The following NKD1 variants were observed in gnomAD, a reference collection of about 807,000 sequenced individuals.
The protein encoded by NKD1 is protein naked cuticle homolog 1.
A neutral mutation model predicts 56.0 loss-of-function variants in NKD1; 21 were observed. That is an observed-to-expected ratio of 0.38 (90% CI 0.27 to 0.54). The LOEUF is 0.54. Ranked by LOEUF, NKD1 falls within the 20% of genes least tolerant of loss-of-function variation. NKD1 has a pLI of 0.82. For missense variants in NKD1, 578 were observed against 642.7 expected, an observed-to-expected ratio of 0.90 and a Z score of 1.09; for synonymous variants, 263 against 265.7, an observed-to-expected ratio of 0.99 and a Z score of 0.10.
intron 3 of NKD1, chr16:50,571,555 C>G: frequency 6.1e-6 from 6 of 984,226 alleles, no homozygotes; most frequent in Non-Finnish European, 7.2e-6. Context: ...GTCCCAGTGA[C>G]GGGCTCTCCA....
chr16:50,629,184 A>G (rs1441081417), intron 6 of NKD1, among the ~76,000 whole-genome samples: 3 of 151,870 alleles, frequency 2.0e-5, no homozygotes, highest in Non-Finnish European at 4.4e-5. Flanking sequence ...GCTGGTCTTG[A>G]ACTTCTGGGC....
chr16:50,613,876 G>C (rs1381912073), intron 4 of NKD1, among the ~76,000 whole-genome samples: 1 of 152,138 alleles, frequency 6.6e-6, no homozygotes, highest in Non-Finnish European at 1.5e-5. Context: ...ATCCTGTTCA[G>C]ATGTCAAAGC....
chr16:50,560,623 A>C (rs935144314), intron 3 of NKD1, among the ~76,000 whole-genome samples: 2 of 150,198 alleles, frequency 1.3e-5, no homozygotes, highest in South Asian at 4.2e-4. Context: ...AAATCAGTTT[A>C]GGCGAGTTTT....
intron 3 of NKD1, among the ~76,000 whole-genome samples, chr16:50,563,554 G>A (rs1323053767): frequency 1.3e-5 from 2 of 151,550 alleles, no homozygotes; most frequent in Non-Finnish European, 2.9e-5. Flanking sequence ...TGGACCCATG[G>A]AGAAGACCCT....
intron 5 of NKD1, 114 bp downstream of exon 5, chr16:50,621,822 T>G: frequency 1.3e-6 from 1 of 740,956 alleles, no homozygotes; most frequent in Non-Finnish European, 2.3e-6. Flanking sequence ...CTCCCCTGCA[T>G]GAACAGCACC....
rs144230583 is a variant in NKD1 at position 50,613,085 on chromosome 16, TAG to T, written c.259+4727_259+4728del. ...AACGAGAGAGATCAGGGATGCATCTTAGACTTTTGGTTTCAGGAACTAAGGAT... is the reference window on the plus strand; with the variant it reads ...AACGAGAGAGATCAGGGATGCATCTTACTTTTGGTTTCAGGAACTAAGGAT... On this transcript the variant is annotated intron_variant, in intron 4 of 9. Coordinates refer to ENST00000268459, the MANE Select transcript of NKD1 (RefSeq NM_033119.5). Among the ~76,000 whole-genome samples, 964 of 152,126 alleles carry T rather than the reference TAG, an allele frequency of 6.3e-3. 9 individuals are homozygous for T. The highest frequency in any genetic ancestry group is 0.011 in the Non-Finnish European group (743 of 67,984).
At chr16:50,594,867 C>T (rs1343422590) in intron 3 of NKD1, among the ~76,000 whole-genome samples, 1 of 152,162 alleles carries the variant, frequency 6.6e-6, no homozygotes, top group African/African-American at 2.4e-5. Flanking sequence ...GGACTGCTAT[C>T]AAAGGGTCTA....
rs1596719715 is a variant in NKD1, at chr16:50,582,884, A to G, written c.193-25410A>G. Among the ~76,000 whole-genome samples, 7 of 152,270 alleles carry G rather than the reference A, an allele frequency of 4.6e-5. No homozygotes were observed. The South Asian group carries it at 1.5e-3, about 32-fold the overall frequency. ...TAGCCAGATGTGGTGGTGGGCACCT[A>G]TAATCCCAGCTACTTGGGAGGCTGA... On this transcript the variant is annotated intron_variant, in intron 3 of 9. Transcript: ENST00000268459.
chr16:50,625,402 C>A, intron 5 of NKD1, 83 bp from the exon 6 acceptor site: 1 of 980,386 alleles, frequency 1.0e-6, no homozygotes, highest in Non-Finnish European at 1.6e-6. Context: ...GCCCCTTGGC[C>A]TGGCCTCTAG....
chr16:50,577,241 G>T (rs990027768), intron 3 of NKD1, among the ~76,000 whole-genome samples: 1 of 152,104 alleles, frequency 6.6e-6, no homozygotes, highest in Admixed American at 6.5e-5. Flanking sequence ...GCGGAGGGTT[G>T]TTGGGTGGGT....
intron 3 of NKD1, among the ~76,000 whole-genome samples, chr16:50,589,058 G>C (rs1027810993): frequency 4.6e-5 from 7 of 152,066 alleles, no homozygotes; most frequent in Non-Finnish European, 7.4e-5. Flanking sequence ...CACACCATTT[G>C]GTCTTCCTAT....
intron 3 of NKD1, among the ~76,000 whole-genome samples, chr16:50,571,289 C>T (rs1355593497): frequency 1.3e-5 from 2 of 152,196 alleles, no homozygotes; most frequent in Non-Finnish European, 2.9e-5. Flanking sequence ...GGCTCTGCCT[C>T]CTGTGGGGAG....
chr16:50,589,734 CTTCTCTTCTCTTCTCTTCT>C (rs1961313131), intron 3 of NKD1, among the ~76,000 whole-genome samples: 1 of 99,294 alleles, frequency 1.0e-5, no homozygotes, highest in African/African-American at 4.1e-5. Context: ...CTTCTCTTCT[CTTCTCTTCTCTTCTCTTCT>C]CTTCTCTTCT....
At chr16:50,556,226 G>C (rs549022306) in intron 3 of NKD1, 3 of 152,318 alleles carry the variant, frequency 2.0e-5, no homozygotes, top group African/African-American at 4.8e-5. Flanking sequence ...AGCCTGAGCA[G>C]CTCCGAAGGG....
intron 3 of NKD1, among the ~76,000 whole-genome samples, chr16:50,590,287 T>C (rs1961336761): frequency 6.6e-6 from 1 of 152,200 alleles, no homozygotes; most frequent in Admixed American, 6.5e-5. Context: ...TTTGTTCAAA[T>C]AATATTAGAA....
intron 3 of NKD1, among the ~76,000 whole-genome samples, chr16:50,591,931 C>T (rs532275185): frequency 1.3e-5 from 2 of 152,284 alleles, no homozygotes; most frequent in East Asian, 1.9e-4. Flanking sequence ...GCTGTGTGGG[C>T]GGGGGCCAAG....
intron 5 of NKD1, among the ~76,000 whole-genome samples, chr16:50,624,909 G>C (rs556484338): frequency 6.6e-6 from 1 of 152,328 alleles, no homozygotes; most frequent in East Asian, 1.9e-4. Context: ...TGGGCTGAGG[G>C]CATGTGGGTG....
At chr16:50,626,419 G>C (rs1962216102) in intron 6 of NKD1, among the ~76,000 whole-genome samples, 1 of 152,026 alleles carries the variant, frequency 6.6e-6, no homozygotes. Context: ...TGGCTGGAAG[G>C]TCCAGGGGAG....
chr16:50,561,295 G>A (rs1481467523), intron 3 of NKD1, among the ~76,000 whole-genome samples: 1 of 151,768 alleles, frequency 6.6e-6, no homozygotes, highest in East Asian at 1.9e-4. Flanking sequence ...GGTGCCTCCA[G>A]CTTAGCTATG....
Sources: gnomAD v4.1 joint callset for allele counts (sites outside exome capture counted in the v4.1 genomes callset) on GRCh38, gnomAD v4.1.1 for gene constraint, MANE v1.5 for transcripts, NCBI Gene and HGNC (gene_info 2026-07-23, HGNC 2026-07-21) for gene names.